Variants in SGCZ observed in about 807,000 individuals in gnomAD.
The protein encoded by SGCZ is sarcoglycan zeta.
SGCZ carries 40 observed loss-of-function variants against 41.3 expected under a neutral mutation model. The ratio of observed to expected loss-of-function variants is 0.97; its 90% CI spans 0.75 to 1.26. The LOEUF is 1.26. SGCZ is among the 50% of genes most tolerant of loss of function. SGCZ has a pLI of 0.00. For synonymous variants in SGCZ, 206 were observed against 137.5 expected, an observed-to-expected ratio of 1.50 and a Z score of -3.49; for missense variants, 552 against 369.8, an observed-to-expected ratio of 1.49 and a Z score of -4.04.
At chr8:14,865,297 A>G (rs575005262) in intron 1 of SGCZ, among the ~76,000 whole-genome samples, 3 of 152,032 alleles carry the variant, frequency 2.0e-5, no homozygotes, top group Admixed American at 6.6e-5. Flanking sequence ...CTCTCAGACC[A>G]TATCCCTTAC....
intron 1 of SGCZ, among the ~76,000 whole-genome samples, chr8:14,670,735 A>G (rs548872455): frequency 2.2e-4 from 34 of 152,234 alleles, no homozygotes; most frequent in African/African-American, 3.1e-4. Context: ...ATTTATTTTC[A>G]GTACAACCCA....
intron 2 of SGCZ, among the ~76,000 whole-genome samples, chr8:14,500,657 T>C (rs528177845): frequency 1.3e-5 from 2 of 152,200 alleles, no homozygotes; most frequent in South Asian, 4.1e-4. Context: ...TATACCTGTA[T>C]TATTGACAGT....
intron 1 of SGCZ, among the ~76,000 whole-genome samples, chr8:14,860,708 G>GAAAGAAAGAAAGAAAGAAAGAAGGAA (rs1554513265): frequency 7.5e-6 from 1 of 132,766 alleles, no homozygotes; most frequent in African/African-American, 3.1e-5. Context: ...AAGAAAGAAA[G>GAAAGAAAGAAAGAAAGAAAGAAGGAA]AGAAAGAAAG....
At chr8:14,393,644 C>G (rs1585445552) in intron 2 of SGCZ, among the ~76,000 whole-genome samples, 1 of 146,030 alleles carries the variant, frequency 6.8e-6, no homozygotes, top group Non-Finnish European at 1.6e-5. Flanking sequence ...ATAGAGAAAG[C>G]TGTTTCTCTT....
chr8:14,682,594 C>T (rs1352851836), intron 1 of SGCZ, among the ~76,000 whole-genome samples: 1 of 151,978 alleles, frequency 6.6e-6, no homozygotes, highest in African/African-American at 2.4e-5. Context: ...ACCACCACGC[C>T]CGGCTAATTT....
At chr8:14,788,592 A>G (rs564201066) in intron 1 of SGCZ, among the ~76,000 whole-genome samples, 2 of 152,314 alleles carry the variant, frequency 1.3e-5, no homozygotes, top group African/African-American at 4.8e-5. Context: ...CCAATCTCAC[A>G]TAGTGGTAGA....
intron 2 of SGCZ, among the ~76,000 whole-genome samples, chr8:14,444,904 G>T (rs921659652): frequency 1.3e-5 from 2 of 152,062 alleles, no homozygotes; most frequent in Non-Finnish European, 2.9e-5. Flanking sequence ...AAAACTCAAC[G>T]CTGGATTCCA....
At position 14,598,264 on chromosome 8, in the gene SGCZ, T is replaced by A. The variant is rs553151800; in HGVS notation, c.40-43338A>T. Among the ~76,000 whole-genome samples, 4 of 143,640 alleles carry A rather than the reference T, an allele frequency of 2.8e-5. No individual in the cohort carries two copies. In the South Asian group the frequency reaches 8.7e-4, roughly 31 times the overall value. The allele number at this position is 143,640 out of a possible 152,430, so 94.2% of individuals were successfully genotyped here. The stretch of plus-strand genomic sequence containing the variant: ...ACAATGTACATGGCCTCTTTGAGTA[T>A]CTCAATCAATCTAATTATATTTGAA... On this transcript the variant is annotated intron_variant, in intron 1 of 7. Coordinates refer to ENST00000382080, the MANE Select transcript of SGCZ (RefSeq NM_139167.4).
chr8:15,156,303 G>A (rs1275055649), intron 1 of SGCZ, among the ~76,000 whole-genome samples: 1 of 152,116 alleles, frequency 6.6e-6, no homozygotes, highest in Non-Finnish European at 1.5e-5. Context: ...GCAATCTAAA[G>A]TTCCTACGCA....
chr8:14,514,783 ATGTGTGTGTGTG>A (rs200862544), intron 2 of SGCZ, among the ~76,000 whole-genome samples: 2,276 of 100,376 alleles, frequency 0.023, 64 homozygotes, highest in African/African-American at 0.072. Flanking sequence ...ATATATGTAA[ATGTGTGTGTGTG>A]TGTGTGTGTG....
intron 1 of SGCZ, among the ~76,000 whole-genome samples, chr8:15,213,761 C>G (rs1306492197): frequency 2.6e-5 from 4 of 151,724 alleles, no homozygotes; most frequent in Non-Finnish European, 5.9e-5. Context: ...AGATATAATA[C>G]TGTTTTATGT....
At chr8:14,258,165 AG>A (rs1366359202) in intron 3 of SGCZ, among the ~76,000 whole-genome samples, 2 of 152,210 alleles carry the variant, frequency 1.3e-5, no homozygotes, top group African/African-American at 4.8e-5. Flanking sequence ...AAGAGAATAT[AG>A]ATACTAAACA....
intron 1 of SGCZ, among the ~76,000 whole-genome samples, chr8:15,050,785 A>G (rs975292952): frequency 1.3e-5 from 2 of 152,290 alleles, no homozygotes; most frequent in Middle Eastern, 3.4e-3. Context: ...TTAGGCTCTG[A>G]AGGGAAGGAT....
intron 1 of SGCZ, among the ~76,000 whole-genome samples, chr8:14,966,407 T>C (rs1431957511): frequency 6.6e-6 from 1 of 151,774 alleles, no homozygotes. Flanking sequence ...TAACTACATG[T>C]TTATAAAATA....
At chr8:14,638,035 TG>T (rs1806891633) in intron 1 of SGCZ, among the ~76,000 whole-genome samples, 1 of 151,852 alleles carries the variant, frequency 6.6e-6, no homozygotes, top group Non-Finnish European at 1.5e-5. Context: ...TATATTTCAT[TG>T]TAGTTTGATT....
At chr8:14,993,215 C>A (rs1278344407) in intron 1 of SGCZ, among the ~76,000 whole-genome samples, 4 of 152,140 alleles carry the variant, frequency 2.6e-5, no homozygotes, top group Admixed American at 6.6e-5. Context: ...AACCTTTGCC[C>A]ATTATTCTTG....
chr8:14,760,790 G>T (rs536691599), intron 1 of SGCZ, among the ~76,000 whole-genome samples: 2 of 152,188 alleles, frequency 1.3e-5, no homozygotes, highest in East Asian at 3.9e-4. Flanking sequence ...CAATATCTGG[G>T]CCCTACTTAT....
At chr8:14,963,423 G>A (rs984557310) in intron 1 of SGCZ, among the ~76,000 whole-genome samples, 8 of 151,274 alleles carry the variant, frequency 5.3e-5, no homozygotes, top group African/African-American at 1.7e-4. Context: ...ACTGCATCCT[G>A]CGCCTCCCGG....
chr8:14,340,454 C>G (rs193048095), intron 2 of SGCZ, among the ~76,000 whole-genome samples: 3 of 152,106 alleles, frequency 2.0e-5, no homozygotes, highest in South Asian at 4.1e-4. Context: ...TATTGCAACA[C>G]ATTACAGTTC....
Sources: gnomAD v4.1 joint callset for allele counts (sites outside exome capture counted in the v4.1 genomes callset) on GRCh38, gnomAD v4.1.1 for gene constraint, MANE v1.5 for transcripts, NCBI Gene and HGNC (gene_info 2026-07-23, HGNC 2026-07-21) for gene names.